The following POC5 variants were observed in gnomAD, a reference collection of about 807,000 sequenced individuals.
The protein encoded by POC5 is POC5 centriolar protein, also known as centrosomal protein POC5.
A neutral mutation model predicts 62.9 loss-of-function variants in POC5; 48 were observed. That is an observed-to-expected ratio of 0.76 (90% CI 0.61 to 0.97). The LOEUF (loss-of-function observed/expected upper bound fraction) is 0.97. Ranked by LOEUF, POC5 falls within the 50% of genes least tolerant of loss-of-function variation. The pLI is 0.00. For synonymous variants in POC5, 236 were observed against 228.2 expected (o/e 1.03, Z -0.31); for missense variants, 696 against 679.5 (o/e 1.02, Z -0.27).
At chr5:75,684,059 C>A (rs1775978473) in intron 10 of POC5, among the ~76,000 whole-genome samples, 1 of 152,132 alleles carries the variant, frequency 6.6e-6, no homozygotes, top group Non-Finnish European at 1.5e-5. Flanking sequence ...TCACACAAAC[C>A]TTCCATCCCC....
rs1249152836 is a variant in POC5 at position 75,685,196 on chromosome 5, A to G, written c.1407+11T>C. The stretch of plus-strand genomic sequence containing the variant: ...TTTTCATAAGGTGGGACCTGTATAA[A>G]CTGTACTAACCATTTCTTCTGATGC... On this transcript the variant is annotated intron_variant, in intron 10 of 11. Transcript: ENST00000428202. The G allele has an allele frequency of 6.3e-7, 1 of 1,594,958 alleles. No individual in the cohort carries two copies. The highest frequency in any genetic ancestry group is 2.3e-5 in the East Asian group (1 of 44,138).
chr5:75,689,270 A>T (rs2112113329), intron 8 of POC5, 105 bp from the exon 9 acceptor site: 1 of 1,385,454 alleles, frequency 7.2e-7, no homozygotes, highest in Non-Finnish European at 9.3e-7. Flanking sequence ...GAAATATTAA[A>T]AAGTTTGTCA....
chr5:75,688,451 C>A (rs1776185417), intron 9 of POC5, among the ~76,000 whole-genome samples: 1 of 152,080 alleles, frequency 6.6e-6, no homozygotes, highest in Non-Finnish European at 1.5e-5. Context: ...CTACGCCATG[C>A]TGACAAAACT....
At chr5:75,693,824 G>A (rs1335275549) in intron 6 of POC5, among the ~76,000 whole-genome samples, 4 of 152,208 alleles carry the variant, frequency 2.6e-5, no homozygotes, top group African/African-American at 9.6e-5. Flanking sequence ...ATTTATAGCC[G>A]GGCACAGATT....
chr5:75,681,839 C>T (rs1775878411), intron 10 of POC5, among the ~76,000 whole-genome samples: 1 of 152,066 alleles, frequency 6.6e-6, no homozygotes, highest in African/African-American at 2.4e-5. Context: ...GCCAGGATTG[C>T]AAATCTCTCT....
At chr5:75,691,794 TACA>T (rs1776348719) in intron 7 of POC5, among the ~76,000 whole-genome samples, 1 of 152,174 alleles carries the variant, frequency 6.6e-6, no homozygotes. Context: ...CCACTTTTGA[TACA>T]ACAATTTAGT....
intron 7 of POC5, among the ~76,000 whole-genome samples, chr5:75,691,492 C>T (rs1369980249): frequency 6.6e-6 from 1 of 152,028 alleles, no homozygotes; most frequent in Non-Finnish European, 1.5e-5. Flanking sequence ...TATACAATTA[C>T]CTTAGGCTAT....
chr5:75,682,608 C>T (rs761376615), intron 10 of POC5, among the ~76,000 whole-genome samples: 19 of 151,504 alleles, frequency 1.3e-4, no homozygotes, highest in Non-Finnish European at 2.2e-4. Flanking sequence ...CTCTGCCTCC[C>T]GGGTTCAAGT....
intron 5 of POC5, among the ~76,000 whole-genome samples, chr5:75,698,826 C>T (rs890373970): frequency 1.3e-5 from 2 of 151,904 alleles, no homozygotes; most frequent in Middle Eastern, 3.2e-3. Context: ...GCTAGCAAGA[C>T]TAATAAAGAA....
At position 75,707,833 on chromosome 5, in the gene POC5, T is replaced by G. The variant is rs1278859380; in HGVS notation, c.127A>C (p.Asn43His). ...GACTGTGAAGCACAGGGTTCAATAT[T>G]TGGAGTCACTATAGCATAATGAAGC... ...ELLHYAIVTPNIEPCASQSSH... is the reference protein window; with the variant it reads ...ELLHYAIVTPHIEPCASQSSH... Residue 43 changes from asparagine to histidine, a missense_variant, in exon 3 of 12, where the codon AAT (asparagine) becomes CAT (histidine). By Grantham distance (68) the Asn-to-His change is moderately conservative. Coordinates refer to ENST00000428202, the MANE Select transcript of POC5 (RefSeq NM_001099271.2). The G allele has an allele frequency of 8.8e-6, 14 of 1,590,266 alleles. No individual in the cohort carries two copies. Among genetic ancestry groups the G allele is most frequent in the Non-Finnish European group, 1.2e-5 (14 of 1,164,996 alleles).
In POC5 at chr5:75,688,990, G is replaced by C. The variant is rs758919120; in HGVS notation, c.1129+22C>G. 5 of 1,519,306 alleles carry C rather than the reference G, an allele frequency of 3.3e-6. No individual in the cohort carries two copies. In the South Asian group the frequency reaches 6.8e-5, roughly 21 times the overall value. 94.1% of individuals were successfully genotyped at this position (1,519,306 alleles called of 1,614,324 possible). Reference sequence around the variant, plus strand: ...AAATCTTTTTTTGAAATTAGGCAGAGAAACTTTAATGAAATACTAACCTGC... The same window carrying C: ...AAATCTTTTTTTGAAATTAGGCAGACAAACTTTAATGAAATACTAACCTGC... On this transcript the variant is annotated intron_variant, in intron 9 of 11. Coordinates refer to ENST00000428202, the MANE Select transcript of POC5 (RefSeq NM_001099271.2).
In POC5 at chr5:75,686,028, T is replaced by C. The variant is rs1776085648; in HGVS notation, c.1130-544A>G. Among the ~76,000 whole-genome samples, 3 of 152,190 alleles carry C rather than the reference T, an allele frequency of 2.0e-5. No individual in the cohort carries two copies. The South Asian group carries it at 6.2e-4, about 32-fold the overall frequency. On this transcript the variant is annotated intron_variant, in intron 9 of 11. Transcript: ENST00000428202. ...AATCAATAAAACTAAAATCTTCACT[T>C]TTTACACTGTAAAAGAAATGGGTTC...
chr5:75,685,488 T>C lies in POC5; in HGVS notation c.1130-4A>G, dbSNP rs1248374421. On this transcript the variant is annotated splice_polypyrimidine_tract_variant and splice_region_variant and intron_variant, in intron 9 of 11. Coordinates refer to ENST00000428202, the MANE Select transcript of POC5 (RefSeq NM_001099271.2). The stretch of plus-strand genomic sequence containing the variant: ...TTATTATTTGTGGAGTCTATCCCTA[T>C]AAATCACAAATTAATTCCATTCAAA... 6 of 1,601,714 alleles carry C rather than the reference T, an allele frequency of 3.7e-6. No homozygotes were observed. Among genetic ancestry groups the C allele is most frequent in the Non-Finnish European group, 5.1e-6 (6 of 1,170,206 alleles).
intron 6 of POC5, among the ~76,000 whole-genome samples, chr5:75,694,344 TA>T (rs1453144193): frequency 2.6e-5 from 4 of 151,818 alleles, no homozygotes; most frequent in East Asian, 1.9e-4. Flanking sequence ...ATACTCTTTT[TA>T]AAAAAAAATT....
intron 2 of POC5, among the ~76,000 whole-genome samples, chr5:75,710,682 G>C (rs1002054242): frequency 6.6e-6 from 1 of 152,234 alleles, no homozygotes; most frequent in Non-Finnish European, 1.5e-5. Context: ...AATGTCTGTT[G>C]TTTAAGCCTA....
chr5:75,677,049 C>T (rs989590954), intron 11 of POC5, among the ~76,000 whole-genome samples: 20 of 152,044 alleles, frequency 1.3e-4, no homozygotes, highest in African/African-American at 4.8e-4. Flanking sequence ...CTTAATACAT[C>T]TCGTTTAATT....
chr5:75,702,858 C>T lies in POC5; in HGVS notation c.308-48G>A, dbSNP rs984201210. ...CTGTCAAGCCAAATTGAAAATAACT[C>T]AAGTTGGTAAGGAACCATACTGGAA... On this transcript the variant is annotated intron_variant, in intron 4 of 11. Transcript: ENST00000428202. 2.1e-6 allele frequency: 3 copies of T among 1,434,736 alleles called. No homozygotes were observed. The African/African-American group carries it at 4.3e-5, about 20-fold the overall frequency. The allele number at this position is 1,434,736 out of a possible 1,614,324, so 88.9% of individuals were successfully genotyped here.
chr5:75,697,502 A>AT (rs1776657732), intron 5 of POC5, among the ~76,000 whole-genome samples: 1 of 152,160 alleles, frequency 6.6e-6, no homozygotes, highest in Non-Finnish European at 1.5e-5. Flanking sequence ...AGACAAGCAA[A>AT]GCTGAGAGAT....
chr5:75,714,425 A>G (rs554177738), intron 1 of POC5, among the ~76,000 whole-genome samples: 4 of 152,214 alleles, frequency 2.6e-5, no homozygotes, highest in Non-Finnish European at 5.9e-5. Flanking sequence ...GCAGTAGTCT[A>G]AGAGATAAAT....
Sources: gnomAD v4.1 joint callset for allele counts (sites outside exome capture counted in the v4.1 genomes callset) on GRCh38, gnomAD v4.1.1 for gene constraint, MANE v1.5 for transcripts, NCBI Gene and HGNC (gene_info 2026-07-23, HGNC 2026-07-21) for gene names.